SLC25A26: variants seen among roughly 807,000 people sequenced by gnomAD.
SLC25A26 encodes mitochondrial S-adenosylmethionine carrier protein.
In SLC25A26, 36 loss-of-function variants were observed where a neutral mutation model predicts 37.8. The ratio of observed to expected loss-of-function variants is 0.95; its 90% CI spans 0.73 to 1.26. The LOEUF (loss-of-function observed/expected upper bound fraction) is 1.26. Among genes scored for constraint, SLC25A26 ranks in the 50% most tolerant of loss-of-function variants. The probability of loss-of-function intolerance (pLI) is 0.00; values close to 1 mark genes in which losing one functional copy is unlikely to be tolerated. For synonymous variants in SLC25A26, 129 were observed against 122.5 expected (o/e 1.05, Z -0.35); for missense variants, 390 against 331.1 (o/e 1.18, Z -1.38).
At position 66,346,367 on chromosome 3, in the gene SLC25A26, C is replaced by A. The variant is rs1358813516; in HGVS notation, c.457C>A (p.Pro153Thr). 6.7e-7 allele frequency: 1 copy of A among 1,481,534 alleles called. No homozygotes were observed. The allele number at this position is 1,481,534 out of a possible 1,614,324, so 91.8% of individuals were successfully genotyped here. Residue 153 changes from proline (P) to threonine (T), a missense_variant, in exon 6 of 10, where the codon CCT becomes ACT. Physicochemically the swap from Pro to Thr is conservative, Grantham distance 38. Coordinates refer to ENST00000354883, the MANE Select transcript of SLC25A26 (RefSeq NM_001379210.1). ...AATTTTTTTTTTCTCTCTTCAGATT[C>A]CTTTTTCTTTGGTCCAGTTTCCCTT... ...GYKSTVLREI[P>T]FSLVQFPLWE...
Position 66,297,719 on chromosome 3 carries a change from T to C in SLC25A26, c.453+34340T>C, listed in dbSNP as rs968542961. Among the ~76,000 whole-genome samples the C allele has an allele frequency of 2.0e-5, 3 of 152,236 alleles. No individual in the cohort carries two copies. In the South Asian group the frequency reaches 6.2e-4, roughly 32 times the overall value. On this transcript the variant is annotated intron_variant, in intron 5 of 9. Coordinates refer to ENST00000354883, the MANE Select transcript of SLC25A26 (RefSeq NM_001379210.1). ...TTTCATTTATGTATTGTCTGTCTGC[T>C]TTCACACAACAGTGGCAGAGTTGAG... is the stretch of plus-strand genomic sequence containing the variant.
intron 2 of SLC25A26, among the ~76,000 whole-genome samples, chr3:66,237,459 T>C (rs1240082083): frequency 6.6e-6 from 1 of 152,266 alleles, no homozygotes; most frequent in East Asian, 1.9e-4. Context: ...AGTTTGATAA[T>C]AGCTGCTTTG....
At chr3:66,145,035 T>C (rs1349631989) in intron 1 of SLC25A26, among the ~76,000 whole-genome samples, 2 of 152,144 alleles carry the variant, frequency 1.3e-5, no homozygotes, top group African/African-American at 2.4e-5. Flanking sequence ...AGAGAAATGA[T>C]GCATGCCAGA....
At chr3:66,232,320 T>G (rs943772701) in intron 1 of SLC25A26, among the ~76,000 whole-genome samples, 10 of 152,226 alleles carry the variant, frequency 6.6e-5, no homozygotes, top group Admixed American at 6.5e-4. Context: ...ATTTTTCTTT[T>G]GGGAATTGCC....
chr3:66,350,298 T>G (rs1177236645), intron 6 of SLC25A26, among the ~76,000 whole-genome samples: 2 of 152,204 alleles, frequency 1.3e-5, no homozygotes, highest in Non-Finnish European at 2.9e-5. Context: ...GTCATCATCT[T>G]TCTTGTAAAA....
intron 3 of SLC25A26, among the ~76,000 whole-genome samples, chr3:66,258,446 A>C (rs1329575524): frequency 2.0e-5 from 3 of 152,196 alleles, no homozygotes; most frequent in Non-Finnish European, 4.4e-5. Flanking sequence ...AACTTAAGTG[A>C]CTTAATGTCA....
At chr3:66,263,983 TAAG>T (rs1363668228) in intron 5 of SLC25A26, among the ~76,000 whole-genome samples, 5 of 151,962 alleles carry the variant, frequency 3.3e-5, no homozygotes, top group Non-Finnish European at 5.9e-5. Context: ...GTTGAAGTAT[TAAG>T]AAGTAACTTC....
intron 1 of SLC25A26, among the ~76,000 whole-genome samples, chr3:66,168,447 A>T (rs2070455448): frequency 6.6e-6 from 1 of 152,100 alleles, no homozygotes; most frequent in African/African-American, 2.4e-5. Flanking sequence ...GCAGTTTTTA[A>T]ATTAATGTTT....
chr3:66,209,464 TATATATAAAGGTGTATAC>T (rs1396519248), intron 1 of SLC25A26, among the ~76,000 whole-genome samples: 7 of 141,528 alleles, frequency 4.9e-5, no homozygotes, highest in East Asian at 2.2e-4. Context: ...AAGGTGTATA[TATATATAAAGGTGTATAC>T]ATATACTTTT....
intron 6 of SLC25A26, among the ~76,000 whole-genome samples, chr3:66,349,045 G>A (rs116275234): frequency 1.7e-3 from 257 of 152,280 alleles, no homozygotes; most frequent in African/African-American, 5.8e-3. Context: ...CCCTAATTCT[G>A]CAAAGGAATG....
At position 66,362,891 on chromosome 3, in the gene SLC25A26, T is replaced by G; in HGVS notation, c.530T>G (p.Val177Gly). ...ALWSWRQDHVVDSWQSAVCGA... is the reference protein window; with the variant it reads ...ALWSWRQDHVGDSWQSAVCGA... ...TGGTCCTGGAGGCAGGATCATGTGG[T>G]GGATTCTTGGCAGTCAGCAGTCTGT... The change falls in exon 7 of 10, where the codon GTG becomes GGG. Residue 177 changes from valine (V) to glycine (G), a missense_variant. Val to Gly is a moderately radical substitution (Grantham distance 109). Transcript: ENST00000354883. The G allele has an allele frequency of 6.2e-7, 1 of 1,608,304 alleles. No homozygotes were observed. The highest frequency in any genetic ancestry group is 8.5e-7 in the Non-Finnish European group (1 of 1,177,298).
chr3:66,190,588 C>T (rs1328158980), intron 1 of SLC25A26, among the ~76,000 whole-genome samples: 2 of 152,056 alleles, frequency 1.3e-5, no homozygotes, highest in Non-Finnish European at 2.9e-5. Flanking sequence ...ACACCCGCAC[C>T]TGGTTAATTT....
rs1159734636 is a variant in SLC25A26 at position 66,209,898 on chromosome 3, TTATATATATATATATATATA to T, written c.-353-10814_-353-10795del. On this transcript the variant is annotated intron_variant, in intron 1 of 10. Transcript: ENST00000676754. ...TATACTCCTCTCTCTCTCTCTCTAT[TTATATATATATATATATATA>T]TATATATATATATATATATATATAT... is the stretch of plus-strand genomic sequence containing the variant. Among the ~76,000 whole-genome samples the T allele has an allele frequency of 8.0e-3, 308 of 38,606 alleles. 21 individuals carry two copies. The highest frequency in any genetic ancestry group is 0.049 in the East Asian group (79 of 1,596). 25.3% of individuals were successfully genotyped at this position (38,606 alleles called of 152,430 possible).
chr3:66,275,058 A>G (rs1227080555), intron 5 of SLC25A26, among the ~76,000 whole-genome samples: 1 of 152,090 alleles, frequency 6.6e-6, no homozygotes, highest in Non-Finnish European at 1.5e-5. Flanking sequence ...ACACCATGGA[A>G]TACTACGCAG....
intron 1 of SLC25A26, among the ~76,000 whole-genome samples, chr3:66,226,041 A>G (rs1487204335): frequency 6.6e-6 from 1 of 152,162 alleles, no homozygotes; most frequent in Non-Finnish European, 1.5e-5. Flanking sequence ...CCCATTCTGA[A>G]GTCGCTTCCA....
chr3:66,160,018 T>C (rs1318543437), intron 1 of SLC25A26, among the ~76,000 whole-genome samples: 2 of 152,110 alleles, frequency 1.3e-5, no homozygotes, highest in Non-Finnish European at 2.9e-5. Flanking sequence ...TTTTTTTTCT[T>C]TTTTGGGACA....
At chr3:66,326,034 A>G (rs761366349) in intron 5 of SLC25A26, among the ~76,000 whole-genome samples, 2 of 152,214 alleles carry the variant, frequency 1.3e-5, no homozygotes, top group Admixed American at 6.5e-5. Context: ...CAAATTCACA[A>G]GATAGGATTG....
intron 6 of SLC25A26, among the ~76,000 whole-genome samples, chr3:66,347,354 G>A (rs2076350461): frequency 6.6e-6 from 1 of 152,158 alleles, no homozygotes; most frequent in Non-Finnish European, 1.5e-5. Flanking sequence ...TTTCATGCAG[G>A]CAACAAACAT....
At chr3:66,202,419 GC>G (rs2071123245) in intron 1 of SLC25A26, among the ~76,000 whole-genome samples, 2 of 151,638 alleles carry the variant, frequency 1.3e-5, no homozygotes, top group Admixed American at 6.6e-5. Flanking sequence ...TGCATGTGGG[GC>G]TTAAAACCTA....
Sources: allele counts gnomAD v4.1 joint callset (sites outside exome capture counted in the v4.1 genomes callset), GRCh38; gene constraint gnomAD v4.1.1; transcripts MANE v1.5; gene names NCBI Gene and HGNC (gene_info 2026-07-23, HGNC 2026-07-21).